The following CACHD1 variants were observed in gnomAD, a reference collection of about 807,000 sequenced individuals.
The protein encoded by CACHD1 is cache domain containing 1.
CACHD1 carries 71 observed loss-of-function variants against 138.7 expected under a neutral mutation model. That is an observed-to-expected ratio of 0.51 (90% CI 0.42 to 0.62). CACHD1 has a LOEUF of 0.62. Ranked by LOEUF, CACHD1 falls within the 20% of genes least tolerant of loss-of-function variation. The probability of loss-of-function intolerance (pLI) is 0.00; values close to 1 mark genes in which losing one functional copy is unlikely to be tolerated. For synonymous variants in CACHD1, 578 were observed against 591.5 expected (o/e 0.98, Z 0.33); for missense variants, 1,389 against 1,625.3 (o/e 0.85, Z 2.50).
At chr1:64,488,726 C>T (rs1261338532) in intron 1 of CACHD1, among the ~76,000 whole-genome samples, 1 of 152,174 alleles carries the variant, frequency 6.6e-6, no homozygotes, top group Non-Finnish European at 1.5e-5. Context: ...CTATAAATGT[C>T]TTTTTCCTCA....
At chr1:64,564,543 T>G (rs1397853995) in intron 2 of CACHD1, among the ~76,000 whole-genome samples, 3 of 152,138 alleles carry the variant, frequency 2.0e-5, no homozygotes, top group Non-Finnish European at 2.9e-5. Context: ...CTGTCTTATG[T>G]CAGTTTAATT....
intron 4 of CACHD1, among the ~76,000 whole-genome samples, chr1:64,619,496 T>C (rs1226320391): frequency 6.6e-6 from 1 of 152,208 alleles, no homozygotes; most frequent in Non-Finnish European, 1.5e-5. Context: ...TTTCCTTGCA[T>C]TTTATGATAT....
intron 4 of CACHD1, among the ~76,000 whole-genome samples, chr1:64,614,325 G>C (rs1647636096): frequency 6.6e-6 from 1 of 152,090 alleles, no homozygotes; most frequent in African/African-American, 2.4e-5. Context: ...GGACAGCTGA[G>C]TGGGCATCTG....
intron 1 of CACHD1, among the ~76,000 whole-genome samples, chr1:64,488,626 C>T (rs305556): frequency 0.89 from 135,918 of 152,186 alleles, 61,058 homozygotes; most frequent in East Asian, 0.97. Context: ...ATTTGACTTT[C>T]ATACACTGGT....
rs190376726 is a variant in CACHD1 at position 64,545,344 on chromosome 1, G to A, written c.199-5250G>A. 3.7e-3 allele frequency among the ~76,000 whole-genome samples: 559 copies of A among 152,212 alleles called. 3 individuals carry two copies. The highest frequency in any genetic ancestry group is 6.2e-3 in the Admixed American group (95 of 15,284). On this transcript the variant is annotated intron_variant, in intron 1 of 26. Coordinates refer to ENST00000651257, the MANE Select transcript of CACHD1 (RefSeq NM_020925.4). ...AAGAAACAGAAAATGTCAGCATCCC[G>A]GAAGCTCCTTTTATGCCCTATTCTA...
In CACHD1 at chr1:64,673,351, C is replaced by A. The variant is rs1201108880; in HGVS notation, c.2614C>A (p.Pro872Thr). The change falls in exon 19 of 27, where the codon CCC (proline) becomes ACC (threonine). Residue 872 changes from proline (P) to threonine (T), a missense_variant. Around this residue, in one of 5 missense-constraint regions of CACHD1, gnomAD observed 1,000 missense variants for 1,114.7 expected, o/e 0.90. Transcript: ENST00000651257. ...VEQQHITHKE[P>T]LVANDILNHP... The stretch of plus-strand genomic sequence containing the variant: ...CTGTTCTCTTTGGCCTTGGTAGGAG[C>A]CCCTGGTAGCAAATGATATCCTCAA... 2 of 1,613,768 alleles carry A rather than the reference C, an allele frequency of 1.2e-6. No individual in the cohort carries two copies. The highest frequency in any genetic ancestry group is 1.7e-6 in the Non-Finnish European group (2 of 1,179,824).
At chr1:64,564,530 CT>C (rs1232678218) in intron 2 of CACHD1, among the ~76,000 whole-genome samples, 1 of 152,136 alleles carries the variant, frequency 6.6e-6, no homozygotes, top group Non-Finnish European at 1.5e-5. Flanking sequence ...ATAAGTCTTT[CT>C]CCTGTCTTAT....
intron 4 of CACHD1, 112 bp from the exon 5 acceptor site, chr1:64,629,243 A>G (rs1167987150): frequency 2.6e-6 from 3 of 1,148,420 alleles, no homozygotes; most frequent in Non-Finnish European, 3.7e-6. Context: ...TCTTGTATCT[A>G]GTGGGATTTC....
intron 9 of CACHD1, among the ~76,000 whole-genome samples, chr1:64,649,662 A>C (rs1649025845): frequency 6.6e-6 from 1 of 152,244 alleles, no homozygotes; most frequent in African/African-American, 2.4e-5. Flanking sequence ...TCACAAACTC[A>C]GATCATATAG....
intron 2 of CACHD1, among the ~76,000 whole-genome samples, chr1:64,578,374 G>A (rs1006577137): frequency 6.6e-6 from 1 of 152,192 alleles, no homozygotes; most frequent in Non-Finnish European, 1.5e-5. Flanking sequence ...GTACAATCTT[G>A]ATAATTTTGA....
At chr1:64,591,313 C>A (rs1413015277) in intron 3 of CACHD1, among the ~76,000 whole-genome samples, 1 of 152,100 alleles carries the variant, frequency 6.6e-6, no homozygotes, top group African/African-American at 2.4e-5. Flanking sequence ...GGAGGAAGAG[C>A]TTTCCAGGAG....
At chr1:64,665,941 C>T (rs1649617348) in intron 15 of CACHD1, 116 bp from the exon 16 acceptor site, 1 of 491,022 alleles carries the variant, frequency 2.0e-6, no homozygotes, top group African/African-American at 2.0e-5. Context: ...GGAGGCGGAG[C>T]TTGCAGTGAG....
chr1:64,636,683 G>T (rs1444770817), intron 7 of CACHD1, among the ~76,000 whole-genome samples: 2 of 152,066 alleles, frequency 1.3e-5, no homozygotes. Flanking sequence ...GAAGGTTTGG[G>T]CCCTCTTTTA....
chr1:64,670,631 G>GT (rs1649781843), intron 16 of CACHD1, among the ~76,000 whole-genome samples: 1 of 152,166 alleles, frequency 6.6e-6, no homozygotes, highest in African/African-American at 2.4e-5. Flanking sequence ...CTTGAAGTGC[G>GT]TTTTCTCTGA....
At chr1:64,529,010 A>G (rs1159596126) in intron 1 of CACHD1, among the ~76,000 whole-genome samples, 2 of 152,126 alleles carry the variant, frequency 1.3e-5, no homozygotes, top group Non-Finnish European at 2.9e-5. Context: ...ATTCTGTTCT[A>G]GTTGCAAACT....
intron 2 of CACHD1, among the ~76,000 whole-genome samples, chr1:64,570,220 T>C (rs1357379993): frequency 6.6e-6 from 1 of 152,184 alleles, no homozygotes; most frequent in African/African-American, 2.4e-5. Context: ...AAGGAATTAA[T>C]TACTGCTCAT....
chr1:64,579,745 C>G (rs1347151698), intron 2 of CACHD1: 1 of 153,168 alleles, frequency 6.5e-6, no homozygotes, highest in African/African-American at 2.4e-5. Flanking sequence ...TTTTTAAAAT[C>G]TTTATCACTT....
At chr1:64,592,849 G>T (rs1222694503) in intron 3 of CACHD1, among the ~76,000 whole-genome samples, 1 of 152,086 alleles carries the variant, frequency 6.6e-6, no homozygotes, top group Non-Finnish European at 1.5e-5. Context: ...ACACCTTAAG[G>T]TACAAAGGTA....
In CACHD1 at chr1:64,538,772, A is replaced by G. The variant is rs187767979; in HGVS notation, c.199-11822A>G. ...TGAAAATTCTCTCTTTGGACGTGAT[A>G]TAAATGAACACTTCTTCAGAAAAAC... On this transcript the variant is annotated intron_variant, in intron 1 of 26. Coordinates refer to ENST00000651257, the MANE Select transcript of CACHD1 (RefSeq NM_020925.4). Among the ~76,000 whole-genome samples the G allele has an allele frequency of 2.2e-3, 336 of 152,376 alleles. 2 individuals carry two copies. In the Middle Eastern group the frequency reaches 0.034, roughly 15 times the overall value.
Sources: gnomAD v4.1 joint callset for allele counts (sites outside exome capture counted in the v4.1 genomes callset) on GRCh38, gnomAD v4.1.1 for gene constraint, gnomAD v4.1.1 regional missense constraint, MANE v1.5 for transcripts, NCBI Gene and HGNC (gene_info 2026-07-23, HGNC 2026-07-21) for gene names.